The following VPS13D variants were observed in gnomAD, a reference collection of about 807,000 sequenced individuals.
VPS13D encodes intermembrane lipid transfer protein VPS13D.
VPS13D carries 187 observed loss-of-function variants against 461.9 expected under a neutral mutation model. The ratio of observed to expected loss-of-function variants is 0.40; its 90% CI spans 0.36 to 0.46. VPS13D has a LOEUF of 0.46. Among genes scored for constraint, VPS13D ranks in the 20% least tolerant of loss-of-function variants. VPS13D has a pLI of 0.60. For synonymous variants in VPS13D, 1,951 were observed against 1,986.3 expected (o/e 0.98, Z 0.47); for missense variants, 4,711 against 5,364.9 (o/e 0.88, Z 3.81).
chr1:12,314,891 T>C (rs1642848444), intron 30 of VPS13D, among the ~76,000 whole-genome samples: 1 of 152,248 alleles, frequency 6.6e-6, no homozygotes, highest in South Asian at 2.1e-4. Context: ...TAGCTATGTG[T>C]CCTTAGACAA....
At chr1:12,253,541 T>A (rs1259392462) in intron 6 of VPS13D, among the ~76,000 whole-genome samples, 181 bp from the exon 7 acceptor site, 1 of 152,258 alleles carries the variant, frequency 6.6e-6, no homozygotes, top group Non-Finnish European at 1.5e-5. Flanking sequence ...TGCCTGTTTG[T>A]ATCGCCAGTT....
intron 61 of VPS13D, among the ~76,000 whole-genome samples, 183 bp from the exon 62 acceptor site, chr1:12,401,425 T>G (rs894796026): frequency 3.3e-5 from 5 of 152,160 alleles, no homozygotes; most frequent in African/African-American, 1.2e-4. Flanking sequence ...CTATTAAACA[T>G]CTTTTGGAGT....
chr1:12,333,485 TC>T, intron 38 of VPS13D, 119 bp downstream of exon 38: 1 of 1,257,132 alleles, frequency 8.0e-7, no homozygotes, highest in Non-Finnish European at 1.1e-6. Flanking sequence ...CACTTCTTCA[TC>T]CTGACTGCTT....
intron 65 of VPS13D, among the ~76,000 whole-genome samples, chr1:12,435,306 C>G (rs912617705): frequency 6.7e-6 from 1 of 150,256 alleles, no homozygotes; most frequent in South Asian, 2.1e-4. Flanking sequence ...CTAAAAAATA[C>G]AAAAATTAGC....
At chr1:12,345,152 A>G (rs1643647414) in intron 42 of VPS13D, 1 of 463,868 alleles carries the variant, frequency 2.2e-6, no homozygotes, top group South Asian at 4.1e-5. Context: ...GATAAATGCC[A>G]CTCTTACTCA....
At chr1:12,345,345 A>C (rs763883678) in intron 42 of VPS13D, 29 bp from the exon 43 acceptor site, 1 of 1,591,600 alleles carries the variant, frequency 6.3e-7, no homozygotes, top group Admixed American at 1.7e-5. Context: ...GATTGTGCCT[A>C]ATATCTTTTT....
At chr1:12,352,529 C>G (rs1252186207) in intron 46 of VPS13D, among the ~76,000 whole-genome samples, 1 of 152,088 alleles carries the variant, frequency 6.6e-6, no homozygotes. Context: ...ATGTTTTACT[C>G]TAATTGAAAT....
chr1:12,378,458 A>G lies in VPS13D; in HGVS notation c.10948A>G (p.Met3650Val). 1 of 1,611,044 alleles carries G rather than the reference A, an allele frequency of 6.2e-7. No homozygotes were observed. The highest frequency in any genetic ancestry group is 8.5e-7 in the Non-Finnish European group (1 of 1,178,816). ...EPGKRSQLWRMTGTGMLAHEG... is the reference protein window; with the variant it reads ...EPGKRSQLWRVTGTGMLAHEG... Reference sequence around the variant, plus strand: ...AGGAAAGCGTTCTCAGCTGTGGAGGATGACAGGAACAGGAATGCTGGCCCA... The same window carrying G: ...AGGAAAGCGTTCTCAGCTGTGGAGGGTGACAGGAACAGGAATGCTGGCCCA... Residue 3650 changes from methionine (M) to valine (V), a missense_variant, in exon 56 of 70, where the codon ATG (methionine) becomes GTG (valine). Around this residue, in one of 3 missense-constraint regions of VPS13D, gnomAD observed 4,411 missense variants for 4,937.8 expected, o/e 0.89. Coordinates refer to ENST00000620676, the MANE Select transcript of VPS13D (RefSeq NM_015378.4).
chr1:12,422,981 G>A (rs139221165), intron 65 of VPS13D, among the ~76,000 whole-genome samples: 3 of 151,834 alleles, frequency 2.0e-5, no homozygotes, highest in African/African-American at 7.2e-5. Flanking sequence ...ATGTCACTGT[G>A]TAGCTGGTCA....
In VPS13D at chr1:12,234,172, C is replaced by T; in HGVS notation, c.-76-19C>T. On this transcript the variant is annotated intron_variant, in intron 1 of 69. Coordinates refer to ENST00000620676, the MANE Select transcript of VPS13D (RefSeq NM_015378.4). ...ATCATCCTGTTTTTATGTTGATTTT[C>T]ATTATTTTCCTTTCATAGATTTTTC... 3.3e-6 allele frequency: 3 copies of T among 919,118 alleles called. No individual in the cohort carries two copies. Among genetic ancestry groups the T allele is most frequent in the Admixed American group, 4.7e-5 (2 of 42,612 alleles). 56.9% of individuals were successfully genotyped at this position (919,118 alleles called of 1,614,324 possible).
intron 2 of VPS13D, among the ~76,000 whole-genome samples, chr1:12,234,712 C>T (rs1275546216): frequency 6.6e-6 from 1 of 152,206 alleles, no homozygotes; most frequent in African/African-American, 2.4e-5. Context: ...TGTTTTGTCA[C>T]TTATTAGCTA....
At chr1:12,311,659 A>G (rs1375528642) in intron 28 of VPS13D, 34 bp downstream of exon 28, 5 of 1,611,520 alleles carry the variant, frequency 3.1e-6, no homozygotes, top group African/African-American at 1.3e-5. Context: ...TGTCACTCTC[A>G]TAGTCTCAGC....
chr1:12,468,099 A>C (rs888303236), intron 67 of VPS13D, among the ~76,000 whole-genome samples: 1 of 152,228 alleles, frequency 6.6e-6, no homozygotes, highest in Non-Finnish European at 1.5e-5. Context: ...GCCATTATAC[A>C]TCTGTAGTCC....
intron 63 of VPS13D, among the ~76,000 whole-genome samples, chr1:12,413,146 C>G (rs1644750383): frequency 6.6e-6 from 1 of 152,098 alleles, no homozygotes; most frequent in African/African-American, 2.4e-5. Context: ...CCATTACACA[C>G]TGTTCAGATT....
intron 3 of VPS13D, among the ~76,000 whole-genome samples, chr1:12,243,022 G>A (rs552619068): frequency 6.0e-5 from 9 of 150,058 alleles, no homozygotes; most frequent in Admixed American, 3.3e-4. Context: ...GTGCGATCTC[G>A]GCTCACTGCA....
intron 68 of VPS13D, among the ~76,000 whole-genome samples, chr1:12,498,232 T>C (rs544183545): frequency 2.6e-5 from 4 of 152,316 alleles, no homozygotes; most frequent in African/African-American, 9.6e-5. Flanking sequence ...TGAATAGGTG[T>C]TAGAACCACC....
intron 68 of VPS13D, chr1:12,499,358 G>T (rs1215916440): frequency 1.0e-5 from 7 of 696,054 alleles, no homozygotes; most frequent in Non-Finnish European, 1.1e-5. Context: ...TCATTTGGGG[G>T]TTTTTTAGTC....
Position 12,262,177 on chromosome 1 carries a change from T to A in VPS13D, c.1594+97T>A, listed in dbSNP as rs1641130632. 1.2e-5 allele frequency: 16 copies of A among 1,377,194 alleles called. No individual in the cohort carries two copies. The South Asian group carries it at 2.2e-4, about 19-fold the overall frequency. 85.3% of individuals were successfully genotyped at this position (1,377,194 alleles called of 1,614,324 possible). ...TTTGCTGTGGGGATAGTCTAGAAAG[T>A]CAGTGCGAAAACTGTATTAGCTAAT... On this transcript the variant is annotated intron_variant, in intron 13 of 69. Coordinates refer to ENST00000620676, the MANE Select transcript of VPS13D (RefSeq NM_015378.4).
At chr1:12,239,890 C>T (rs1339797524) in intron 2 of VPS13D, among the ~76,000 whole-genome samples, 1 of 152,062 alleles carries the variant, frequency 6.6e-6, no homozygotes, top group African/African-American at 2.4e-5. Context: ...ATTTATAAAG[C>T]ACTCAGTACA....
Sources: gnomAD v4.1 joint callset for allele counts (sites outside exome capture counted in the v4.1 genomes callset) on GRCh38, gnomAD v4.1.1 for gene constraint, gnomAD v4.1.1 regional missense constraint, MANE v1.5 for transcripts, NCBI Gene and HGNC (gene_info 2026-07-23, HGNC 2026-07-21) for gene names.